Variants in OSBPL10 observed in about 807,000 individuals in gnomAD.
OSBPL10 encodes the protein oxysterol-binding protein-related protein 10.
OSBPL10 carries 49 observed loss-of-function variants against 81.7 expected under a neutral mutation model. That is an observed-to-expected ratio of 0.60 (90% confidence interval 0.48 to 0.76). The LOEUF is 0.76. Ranked by LOEUF, OSBPL10 falls within the 30% of genes least tolerant of loss-of-function variation. The pLI is 0.00. For synonymous variants in OSBPL10, 419 were observed against 383.6 expected, an observed-to-expected ratio of 1.09 and a Z score of -1.08; for missense variants, 923 against 987.8, an observed-to-expected ratio of 0.93 and a Z score of 0.88.
chr3:31,996,710 A>G (rs1699093311), intron 2 of OSBPL10, among the ~76,000 whole-genome samples: 1 of 152,226 alleles, frequency 6.6e-6, no homozygotes, highest in African/African-American at 2.4e-5. Context: ...CAATTTTTAT[A>G]GGTTGAAACT....
At chr3:31,774,500 CTGTTTT>C (rs142505646) in intron 4 of OSBPL10, among the ~76,000 whole-genome samples, 9,188 of 145,396 alleles carry the variant, frequency 0.063, 463 homozygotes, top group African/African-American at 0.14. Flanking sequence ...CTTTTGTTTT[CTGTTTT>C]TGTTTTTGTT....
At chr3:31,781,002 T>C (rs1304022539) in intron 4 of OSBPL10, among the ~76,000 whole-genome samples, 1 of 152,054 alleles carries the variant, frequency 6.6e-6, no homozygotes. Flanking sequence ...CAGGAAAGGA[T>C]ATAACACAAA....
At position 31,755,961 on chromosome 3, in the gene OSBPL10, A is replaced by T. The variant is rs1697875037; in HGVS notation, c.730-7841T>A. Reference sequence around the variant, plus strand: ...TACAATCATTGCCTTACCACTCCCAATAGTAACACCACACTGCACAAACAT... The same window carrying T: ...TACAATCATTGCCTTACCACTCCCATTAGTAACACCACACTGCACAAACAT... On this transcript the variant is annotated intron_variant, in intron 4 of 11. Transcript: ENST00000396556. Among the ~76,000 whole-genome samples the T allele has an allele frequency of 2.0e-5, 3 of 152,192 alleles. No individual in the cohort carries two copies. In the South Asian group the frequency reaches 6.2e-4, roughly 32 times the overall value.
At chr3:31,772,718 AAC>A (rs1199864170) in intron 4 of OSBPL10, among the ~76,000 whole-genome samples, 5 of 152,364 alleles carry the variant, frequency 3.3e-5, no homozygotes, top group South Asian at 2.1e-4. Flanking sequence ...TGCATCCAGA[AAC>A]ACAGTTTTCA....
intron 1 of OSBPL10, among the ~76,000 whole-genome samples, chr3:31,936,305 A>G (rs1330250210): frequency 6.6e-6 from 1 of 152,222 alleles, no homozygotes; most frequent in Non-Finnish European, 1.5e-5. Flanking sequence ...GCATTTATTT[A>G]CTGAGGCAGT....
intron 2 of OSBPL10, among the ~76,000 whole-genome samples, chr3:32,027,941 G>A (rs1434653779): frequency 2.0e-5 from 3 of 152,222 alleles, no homozygotes; most frequent in Admixed American, 6.5e-5. Context: ...TGGAGAGACT[G>A]GAACAACTGT....
chr3:31,875,469 G>A (rs568316294), intron 3 of OSBPL10, among the ~76,000 whole-genome samples: 2 of 151,122 alleles, frequency 1.3e-5, no homozygotes, highest in Non-Finnish European at 2.9e-5. Context: ...TACAGTTCCT[G>A]AAGATTCGGC....
chr3:31,932,436 TAATA>T lies in OSBPL10; in HGVS notation c.281+48459_281+48462del, dbSNP rs201166203. 4.4e-3 allele frequency among the ~76,000 whole-genome samples: 668 copies of T among 152,232 alleles called. 4 individuals carry two copies. The highest frequency in any genetic ancestry group is 0.015 in the South Asian group (72 of 4,816). On this transcript the variant is annotated intron_variant, in intron 1 of 11. Transcript: ENST00000396556. ...CTTGATGCTGCTTGTTCTAACAATATAATAAATAAATAAATAACAATGTAAGAAG... is the reference window on the plus strand; with the variant it reads ...CTTGATGCTGCTTGTTCTAACAATATAATAAATAAATAACAATGTAAGAAG...
intron 2 of OSBPL10, among the ~76,000 whole-genome samples, chr3:32,042,095 G>A (rs1699581327): frequency 1.3e-5 from 2 of 152,206 alleles, no homozygotes; most frequent in South Asian, 2.1e-4. Flanking sequence ...AAGGCCCGTG[G>A]AGAGACCATA....
intron 4 of OSBPL10, among the ~76,000 whole-genome samples, chr3:31,816,983 C>T (rs1380113020): frequency 1.3e-5 from 2 of 152,216 alleles, no homozygotes; most frequent in African/African-American, 4.8e-5. Flanking sequence ...ATCATCCCAT[C>T]TCTCTGCCCT....
intron 3 of OSBPL10, among the ~76,000 whole-genome samples, chr3:31,860,231 C>T (rs558834405): frequency 2.0e-5 from 3 of 152,308 alleles, no homozygotes; most frequent in Non-Finnish European, 2.9e-5. Context: ...ATTCACTGCA[C>T]GAAGCACAGT....
intron 4 of OSBPL10, among the ~76,000 whole-genome samples, chr3:31,791,898 T>G (rs938869986): frequency 6.6e-6 from 1 of 151,728 alleles, no homozygotes; most frequent in Non-Finnish European, 1.5e-5. Flanking sequence ...ATCAATTTTC[T>G]GAGCCAAACA....
intron 4 of OSBPL10, among the ~76,000 whole-genome samples, chr3:31,778,400 C>T (rs1698604299): frequency 1.3e-5 from 2 of 152,116 alleles, no homozygotes; most frequent in African/African-American, 4.8e-5. Context: ...CCTGCCTCCA[C>T]CTGATGGTGT....
chr3:31,771,329 T>C (rs376645485), intron 4 of OSBPL10, among the ~76,000 whole-genome samples: 1 of 152,180 alleles, frequency 6.6e-6, no homozygotes, highest in Non-Finnish European at 1.5e-5. Context: ...CAGGCCTCCA[T>C]GACAACTGTT....
intron 4 of OSBPL10, among the ~76,000 whole-genome samples, chr3:31,809,739 AC>A (rs1699624438): frequency 6.6e-6 from 1 of 152,120 alleles, no homozygotes; most frequent in Non-Finnish European, 1.5e-5. Context: ...AAAACCATAG[AC>A]CCAAGTACTT....
chr3:32,025,183 T>A (rs1403391796), intron 2 of OSBPL10, among the ~76,000 whole-genome samples: 1 of 152,198 alleles, frequency 6.6e-6, no homozygotes, highest in Non-Finnish European at 1.5e-5. Flanking sequence ...TCTTGTTTGA[T>A]GAGGGTTTTT....
chr3:32,032,490 C>A (rs1044443917), intron 2 of OSBPL10, among the ~76,000 whole-genome samples: 9 of 151,826 alleles, frequency 5.9e-5, no homozygotes, highest in African/African-American at 2.2e-4. Flanking sequence ...GAAATAAAAT[C>A]TATGGCAATC....
intron 3 of OSBPL10, among the ~76,000 whole-genome samples, chr3:31,869,647 G>A (rs1162643744): frequency 1.3e-5 from 2 of 152,144 alleles, no homozygotes. Context: ...TTCAAATTAT[G>A]CCAATAAACT....
chr3:32,032,933 T>G (rs2125553518), intron 2 of OSBPL10, among the ~76,000 whole-genome samples: 1 of 152,322 alleles, frequency 6.6e-6, no homozygotes, highest in East Asian at 1.9e-4. Flanking sequence ...AATTCACATC[T>G]TTACTCAAGA....
Sources: allele counts gnomAD v4.1 joint callset (sites outside exome capture counted in the v4.1 genomes callset), GRCh38; gene constraint gnomAD v4.1.1; transcripts MANE v1.5; gene names NCBI Gene and HGNC (gene_info 2026-07-23, HGNC 2026-07-21).